CHRNA4: variants seen among roughly 807,000 people sequenced by gnomAD.
The protein encoded by CHRNA4 is cholinergic receptor nicotinic alpha 4 subunit.
CHRNA4 carries 28 observed loss-of-function variants against 48.9 expected under a neutral mutation model. The observed-to-expected ratio is 0.57, with a 90% confidence interval of 0.42 to 0.79. The LOEUF is 0.79. Ranked by LOEUF, CHRNA4 falls within the 30% of genes least tolerant of loss-of-function variation. The pLI is 0.00. For synonymous variants in CHRNA4, 425 were observed against 402.3 expected (o/e 1.06, Z -0.68); for missense variants, 859 against 898.4 (o/e 0.96, Z 0.56).
rs1415271198 is a variant in CHRNA4 at position 63,350,619 on chromosome 20, G to C, written c.792C>G (p.Val264=). Residue 264 remains valine (V), a synonymous_variant, in exon 5 of 6, where the codon GTC becomes GTG. Coordinates refer to ENST00000370263, the MANE Select transcript of CHRNA4 (RefSeq NM_000744.7). ...CGCCACACTCGGAGGGCAGGTAGAA[G>C]ACCAGCACGGTGAGGCAGGAGATGA... ...CLLISCLTVL[V]FYLPSECGEK... is the part of the protein sequence containing the mutation. 1.2e-6 allele frequency: 2 copies of C among 1,613,954 alleles called. No individual in the cohort carries two copies. Among genetic ancestry groups the C allele is most frequent in the East Asian group, 4.5e-5 (2 of 44,892 alleles).
Position 63,356,057 on chromosome 20 carries a change from C to T in CHRNA4, c.301G>A (p.Asp101Asn), listed in dbSNP as rs1427242612. 3.7e-6 allele frequency: 6 copies of T among 1,604,274 alleles called. No homozygotes were observed. Among genetic ancestry groups the T allele is most frequent in the Non-Finnish European group, 5.1e-6 (6 of 1,177,774 alleles). Residue 101 changes from aspartate to asparagine, a missense_variant, in exon 4 of 6, where the codon GAC (aspartate) becomes AAC (asparagine). By Grantham distance (23) the Asp-to-Asn change is conservative. This residue lies in a region of CHRNA4 where 342 missense variants were observed against 365.3 expected (regional missense o/e 0.94). Transcript: ENST00000370263. ...QEWHDYKLRWDPADYENVTSI... is the reference protein window; with the variant it reads ...QEWHDYKLRWNPADYENVTSI... ...GTGACATTCTCATAGTCAGCTGGGT[C>T]CCAGCGCAGCTTGTAGTCGTGCCAC...
intron 2 of CHRNA4, among the ~76,000 whole-genome samples, chr20:63,359,132 C>T (rs1416891023): frequency 6.6e-6 from 1 of 152,264 alleles, no homozygotes; most frequent in East Asian, 1.9e-4. Context: ...CTGGGGCCAG[C>T]TAAGGTTGGG....
intron 4 of CHRNA4, among the ~76,000 whole-genome samples, chr20:63,352,277 G>A (rs997711217): frequency 6.6e-6 from 1 of 152,138 alleles, no homozygotes. Flanking sequence ...GGCTGGACCT[G>A]CACCTCAACC....
intron 4 of CHRNA4, among the ~76,000 whole-genome samples, chr20:63,351,901 G>C (rs548776368): frequency 3.3e-5 from 5 of 152,320 alleles, no homozygotes; most frequent in Admixed American, 3.3e-4. Flanking sequence ...GGCTGGGTGG[G>C]ACGCACTGCA....
At position 63,344,039 on chromosome 20, in the gene CHRNA4, G is replaced by C. The variant is rs201615724; in HGVS notation, c.*2699C>G. 2.2e-6 allele frequency: 1 copy of C among 453,968 alleles called. No homozygotes were observed. The highest frequency in any genetic ancestry group is 2.4e-5 in the Admixed American group (1 of 42,552). The allele number at this position is 453,968 out of a possible 1,614,324, so 28.1% of individuals were successfully genotyped here. On this transcript the variant is annotated 3_prime_UTR_variant, in exon 6 of 6. Transcript: ENST00000370263. This position sits in a 1 kb window ranked among gnomAD's most constrained non-coding sequence, Gnocchi z 4.5. Reference sequence around the variant, plus strand: ...ACCGGCACCTCCATTCCTAATCACCGACAGCTGCAAGCAAAGTCCACTAAC... The same window carrying C: ...ACCGGCACCTCCATTCCTAATCACCCACAGCTGCAAGCAAAGTCCACTAAC...
chr20:63,356,330 G>A, intron 3 of CHRNA4, 41 bp downstream of exon 3: 1 of 1,539,346 alleles, frequency 6.5e-7, no homozygotes, highest in Non-Finnish European at 8.8e-7. Flanking sequence ...AGGGGTGTGG[G>A]GGAGGGCAGG....
intron 4 of CHRNA4, among the ~76,000 whole-genome samples, chr20:63,353,630 GGTCCTGGAGGGGCTGTA>G (rs1399831179): frequency 1.8e-5 from 2 of 112,726 alleles, no homozygotes; most frequent in African/African-American, 6.8e-5. Context: ...AGGGGGCTGT[GGTCCTGGAGGGGCTGTA>G]GTCCTAGGGG....
Position 63,349,778 on chromosome 20 carries a change from T to G in CHRNA4, c.1633A>C (p.Thr545Pro). The part of the protein sequence containing the change: ...KEPSSVSPSA[T>P]VKTRSTKAPP... ...GCTTTGGTGCTGCGGGTCTTGACCG[T>G]GGCGCTCGGGGACACCGAAGAGGGC... Residue 545 changes from threonine (T) to proline (P), a missense_variant, in exon 5 of 6, where the codon ACG (threonine) becomes CCG (proline). Coordinates refer to ENST00000370263, the MANE Select transcript of CHRNA4 (RefSeq NM_000744.7). 2.5e-6 allele frequency: 4 copies of G among 1,610,438 alleles called. No individual in the cohort carries two copies. Among genetic ancestry groups the G allele is most frequent in the Non-Finnish European group, 3.4e-6 (4 of 1,178,218 alleles).
chr20:63,356,315 G>A (rs1269390207), intron 3 of CHRNA4, 56 bp downstream of exon 3: 3 of 1,478,306 alleles, frequency 2.0e-6, no homozygotes, highest in African/African-American at 1.4e-5. Flanking sequence ...CAGGGCAGCA[G>A]GGTGAGGGGT....
At chr20:63,359,265 T>C in intron 2 of CHRNA4, 1 of 482,664 alleles carries the variant, frequency 2.1e-6, no homozygotes, top group Non-Finnish European at 3.8e-6. Context: ...TGTTCTTTGC[T>C]TCCGAAGGTG....
At position 63,350,679 on chromosome 20, in the gene CHRNA4, G is replaced by A. The variant is rs752054605; in HGVS notation, c.732C>T (p.Leu244=). ...GGATGATGAGGTTGATGGTGTAGAA[G>A]AGCGGCAGCCGCCGGATGACGAAGG... The part of the protein sequence containing the change: ...TYAFVIRRLP[L]FYTINLIIPC... The change falls in exon 5 of 6, where the codon CTC becomes CTT. Residue 244 remains leucine, a synonymous_variant. Coordinates refer to ENST00000370263, the MANE Select transcript of CHRNA4 (RefSeq NM_000744.7). The A allele has an allele frequency of 6.2e-6, 10 of 1,614,024 alleles. No individual in the cohort carries two copies. The highest frequency in any genetic ancestry group is 7.6e-6 in the Non-Finnish European group (9 of 1,180,022).
At chr20:63,359,867 C>CTGTG (rs1491587270) in intron 1 of CHRNA4, 168 bp from the exon 2 acceptor site, 9 of 73,222 alleles carry the variant, frequency 1.2e-4, no homozygotes, top group South Asian at 3.7e-4. Flanking sequence ...CGGGCGTGCG[C>CTGTG]TCTGTGTGTG....
Position 63,349,989 on chromosome 20 carries a change from A to G in CHRNA4, c.1422T>C (p.Pro474=). ...RSLSVQHMSS[P]GEAVEGGVRC... ...GGACGCCGCCTTCCACCGCTTCGCCAGGGCTGGACATGTGCTGGACGCTGA... is the reference window on the plus strand; with the variant it reads ...GGACGCCGCCTTCCACCGCTTCGCCGGGGCTGGACATGTGCTGGACGCTGA... The change falls in exon 5 of 6, where the codon CCT becomes CCC. Residue 474 remains proline, a synonymous_variant. Coordinates refer to ENST00000370263, the MANE Select transcript of CHRNA4 (RefSeq NM_000744.7). 6.5e-7 allele frequency: 1 copy of G among 1,549,814 alleles called. No individual in the cohort carries two copies. Among genetic ancestry groups the G allele is most frequent in the Non-Finnish European group, 8.7e-7 (1 of 1,146,506 alleles).
chr20:63,351,131 A>G lies in CHRNA4; in HGVS notation c.384-104T>C, dbSNP rs566213766. The G allele has an allele frequency of 5.1e-4, 387 of 761,422 alleles. 1 individual carries two copies. Among genetic ancestry groups the G allele is most frequent in the East Asian group, 2.0e-3 (40 of 19,790 alleles). 47.2% of individuals were successfully genotyped at this position (761,422 alleles called of 1,614,324 possible). A position where few individuals can be genotyped will look rare whatever the true frequency, so the allele number is the denominator to read the frequency against. On this transcript the variant is annotated intron_variant, in intron 4 of 5. Transcript: ENST00000370263. ...TGCCCACGTCCACACCCACACCCAC[A>G]TCCACGCCCACATCCACGTCCACGC...
In CHRNA4 at chr20:63,350,714, T is replaced by C. The variant is rs1362651443; in HGVS notation, c.697A>G (p.Ile233Val). The C allele has an allele frequency of 8.7e-6, 14 of 1,613,710 alleles. No homozygotes were observed. The highest frequency in any genetic ancestry group is 1.1e-5 in the Non-Finnish European group (13 of 1,179,972). The change falls in exon 5 of 6, where the codon ATC becomes GTC. Residue 233 changes from isoleucine (I) to valine (V), a missense_variant. By Grantham distance (29) the Ile-to-Val change is conservative (BLOSUM62 3). Transcript: ENST00000370263. ...YECCAEIYPD[I>V]TYAFVIRRLP... ...CGCCGGATGACGAAGGCATAGGTGATGTCCGGGTAGATCTCGGCACAGCAC... is the reference window on the plus strand; with the variant it reads ...CGCCGGATGACGAAGGCATAGGTGACGTCCGGGTAGATCTCGGCACAGCAC...
At chr20:63,347,487 C>T (rs1347918614) in intron 5 of CHRNA4, among the ~76,000 whole-genome samples, 2 of 152,230 alleles carry the variant, frequency 1.3e-5, no homozygotes, top group African/African-American at 4.8e-5. Flanking sequence ...CCAGGTCCGG[C>T]TTCTAACCCC....
chr20:63,347,001 C>T (rs1432026016), intron 5 of CHRNA4, 138 bp from the exon 6 acceptor site: 67 of 1,267,776 alleles, frequency 5.3e-5, no homozygotes, highest in South Asian at 4.5e-4. Context: ...CTGGTGCACG[C>T]GGCACACAGC....
intron 5 of CHRNA4, among the ~76,000 whole-genome samples, chr20:63,348,711 C>G (rs1159227935): frequency 1.3e-5 from 2 of 152,208 alleles, no homozygotes; most frequent in African/African-American, 4.8e-5. Flanking sequence ...ATGGGCTGCA[C>G]AGCCGAGGCC....
Position 63,345,787 on chromosome 20 carries a change from G to A in CHRNA4, c.*951C>T. 2.3e-6 allele frequency: 1 copy of A among 442,290 alleles called. No homozygotes were observed. The highest frequency in any genetic ancestry group is 1.6e-5 in the South Asian group (1 of 64,154). The allele number at this position is 442,290 out of a possible 1,614,324, so 27.4% of individuals were successfully genotyped here. On this transcript the variant is annotated 3_prime_UTR_variant, in exon 6 of 6. Transcript: ENST00000370263. This position sits in a 1 kb window ranked among gnomAD's most constrained non-coding sequence, Gnocchi z 5.4. ...CCAGAGCCCAGGGCGGATCTCCCGG[G>A]CTGCGCGCCAAGGTGGAAACCCTCA...
Sources: gnomAD v4.1 joint callset for allele counts (sites outside exome capture counted in the v4.1 genomes callset) on GRCh38, gnomAD v4.1.1 for gene constraint, gnomAD v4.1.1 regional missense constraint, Gnocchi (gnomAD v3.1) non-coding constraint, MANE v1.5 for transcripts, NCBI Gene and HGNC (gene_info 2026-07-23, HGNC 2026-07-21) for gene names.